Variants in KIAA1549L observed in about 807,000 individuals in gnomAD.
KIAA1549L encodes the protein UPF0606 protein KIAA1549L.
KIAA1549L carries 88 observed loss-of-function variants against 160.7 expected under a neutral mutation model. The observed-to-expected ratio is 0.55, with a 90% CI of 0.46 to 0.65. KIAA1549L has a LOEUF of 0.65. Among genes scored for constraint, KIAA1549L ranks in the 30% least tolerant of loss-of-function variants. KIAA1549L has a pLI of 0.00. For missense variants in KIAA1549L, 2,258 were observed against 2,437.5 expected (o/e 0.93, Z 1.55); for synonymous variants, 950 against 976.7 (o/e 0.97, Z 0.51).
chr11:33,412,698 G>A (rs1430570836), intron 1 of KIAA1549L, among the ~76,000 whole-genome samples: 1 of 152,242 alleles, frequency 6.6e-6, no homozygotes, highest in Non-Finnish European at 1.5e-5. Context: ...CCCACTGGGT[G>A]AGGATCAGTT....
chr11:33,545,097 T>G lies in KIAA1549L; in HGVS notation c.3104T>G (p.Leu1035Arg), dbSNP rs2133183633. Residue 1035 changes from leucine (L) to arginine (R), a missense_variant, in exon 3 of 21, where the codon CTG becomes CGG. By Grantham distance (102) the Leu-to-Arg change is moderately radical (BLOSUM62 -2). Around this residue, in one of 6 missense-constraint regions of KIAA1549L, gnomAD observed 1,359 missense variants for 1,546.6 expected, o/e 0.88. Coordinates refer to ENST00000658780, the MANE Select transcript of KIAA1549L (RefSeq NM_012194.3). ...GGAAACATGGACACTGCCTCTGGCCTGTTGTCTACAACTTACCTCCCCAGG... is the reference window on the plus strand; with the variant it reads ...GGAAACATGGACACTGCCTCTGGCCGGTTGTCTACAACTTACCTCCCCAGG... ...MQGNMDTASG[L>R]LSTTYLPRKP... 1.2e-6 allele frequency: 2 copies of G among 1,614,022 alleles called. No homozygotes were observed. Among genetic ancestry groups the G allele is most frequent in the Non-Finnish European group, 1.7e-6 (2 of 1,179,880 alleles).
intron 8 of KIAA1549L, among the ~76,000 whole-genome samples, chr11:33,562,394 T>G (rs1854893134): frequency 6.6e-6 from 1 of 152,182 alleles, no homozygotes; most frequent in African/African-American, 2.4e-5. Flanking sequence ...AGGAGAAGTA[T>G]ATGAGTCTAC....
chr11:33,621,673 A>G (rs1270542411), intron 16 of KIAA1549L, among the ~76,000 whole-genome samples: 1 of 152,208 alleles, frequency 6.6e-6, no homozygotes, highest in African/African-American at 2.4e-5. Flanking sequence ...GAAAAAAAAA[A>G]TGCTGTAAAT....
At chr11:33,491,925 G>A (rs1450651803) in intron 1 of KIAA1549L, among the ~76,000 whole-genome samples, 1 of 152,206 alleles carries the variant, frequency 6.6e-6, no homozygotes, top group African/African-American at 2.4e-5. Context: ...ATTTGTAGAG[G>A]GCGAGGTCTA....
intron 1 of KIAA1549L, among the ~76,000 whole-genome samples, chr11:33,426,908 T>C (rs1359713731): frequency 6.6e-6 from 1 of 152,132 alleles, no homozygotes; most frequent in African/African-American, 2.4e-5. Context: ...ATCAGTGTTT[T>C]CCTACCCCCT....
intron 1 of KIAA1549L, among the ~76,000 whole-genome samples, chr11:33,387,982 T>C (rs1850205565): frequency 6.6e-6 from 1 of 152,194 alleles, no homozygotes; most frequent in South Asian, 2.1e-4. Flanking sequence ...CAGATAAATA[T>C]AGGCCTATCT....
chr11:33,542,858 C>G lies in KIAA1549L; in HGVS notation c.1295C>G (p.Thr432Ser). 1 of 1,613,884 alleles carries G rather than the reference C, an allele frequency of 6.2e-7. No homozygotes were observed. Reference protein sequence around the residue: ...QTAESGAIEMTSRKLASATAN... With the variant: ...QTAESGAIEMSSRKLASATAN... ...GCAGAATCAGGGGCCATAGAAATGA[C>G]CAGCAGAAAGCTAGCCTCTGCCACT... The change falls in exon 2 of 21, where the codon ACC becomes AGC. Residue 432 changes from threonine (T) to serine (S), a missense_variant. Physicochemically the swap from Thr to Ser is moderately conservative, Grantham distance 58. Coordinates refer to ENST00000658780, the MANE Select transcript of KIAA1549L (RefSeq NM_012194.3).
chr11:33,460,844 T>C (rs1851927023), intron 1 of KIAA1549L, among the ~76,000 whole-genome samples: 1 of 152,222 alleles, frequency 6.6e-6, no homozygotes, highest in Admixed American at 6.5e-5. Context: ...TCCTGGTCTT[T>C]GCTGTGTGGG....
chr11:33,593,023 T>A (rs1850102409), intron 12 of KIAA1549L, among the ~76,000 whole-genome samples: 1 of 152,170 alleles, frequency 6.6e-6, no homozygotes, highest in South Asian at 2.1e-4. Flanking sequence ...GGAGGTTGAT[T>A]ATGTCAGGCT....
At chr11:33,429,746 G>T (rs1009979244) in intron 1 of KIAA1549L, among the ~76,000 whole-genome samples, 1 of 152,030 alleles carries the variant, frequency 6.6e-6, no homozygotes, top group African/African-American at 2.4e-5. Context: ...CAGGAATCTT[G>T]GTGTTGTCTT....
intron 1 of KIAA1549L, among the ~76,000 whole-genome samples, chr11:33,529,461 G>C (rs1467703260): frequency 6.6e-6 from 1 of 152,190 alleles, no homozygotes; most frequent in Non-Finnish European, 1.5e-5. Context: ...CATATACCAA[G>C]TTATGTTCCA....
chr11:33,444,618 T>C (rs1424940044), intron 1 of KIAA1549L, among the ~76,000 whole-genome samples: 3 of 152,240 alleles, frequency 2.0e-5, no homozygotes, highest in African/African-American at 7.2e-5. Flanking sequence ...AATTAATTCA[T>C]TAAAGATGAA....
chr11:33,644,297 A>G (rs889296652), intron 16 of KIAA1549L, among the ~76,000 whole-genome samples: 11 of 152,228 alleles, frequency 7.2e-5, no homozygotes, highest in African/African-American at 2.4e-4. Flanking sequence ...GCTAATGAGC[A>G]TGTATTAATT....
At chr11:33,496,495 A>G (rs965076825) in intron 1 of KIAA1549L, among the ~76,000 whole-genome samples, 1 of 152,166 alleles carries the variant, frequency 6.6e-6, no homozygotes, top group Non-Finnish European at 1.5e-5. Flanking sequence ...GCAGCTCTTG[A>G]ATTCTACCCC....
intron 1 of KIAA1549L, among the ~76,000 whole-genome samples, chr11:33,405,865 C>CAAAAAAAAAAA (rs1850639559): frequency 9.9e-6 from 1 of 101,426 alleles, no homozygotes; most frequent in Admixed American, 1.0e-4. Flanking sequence ...AAAAAAAAAG[C>CAAAAAAAAAAA]AAAAGCTCTA....
chr11:33,550,308 A>G (rs1406553578), intron 4 of KIAA1549L, among the ~76,000 whole-genome samples: 1 of 151,982 alleles, frequency 6.6e-6, no homozygotes, highest in Non-Finnish European at 1.5e-5. Flanking sequence ...AGATTCTGTA[A>G]TAAACATTAT....
chr11:33,404,017 A>G (rs1314674080), intron 1 of KIAA1549L, among the ~76,000 whole-genome samples: 8 of 152,194 alleles, frequency 5.3e-5, no homozygotes, highest in Non-Finnish European at 2.9e-5. Flanking sequence ...CACCAGGTTC[A>G]TGCACCCATA....
At chr11:33,551,019 G>T (rs1312818036) in intron 4 of KIAA1549L, 21 bp from the exon 5 acceptor site, 1 of 1,591,716 alleles carries the variant, frequency 6.3e-7, no homozygotes, top group African/African-American at 1.3e-5. Flanking sequence ...AATGGGTTTT[G>T]TGGGTCCATT....
Position 33,673,432 on chromosome 11 carries a change from A to AAAAG in KIAA1549L, c.*5280_*5283dup, listed in dbSNP as rs1042826840. 8.5e-5 allele frequency: 13 copies of AAAAG among 152,270 alleles called. No individual in the cohort carries two copies. Among genetic ancestry groups the AAAAG allele is most frequent in the African/African-American group, 2.9e-4 (12 of 41,548 alleles). 9.4% of individuals were successfully genotyped at this position (152,270 alleles called of 1,614,324 possible). A position where few individuals can be genotyped will look rare whatever the true frequency, so the allele number is the denominator to read the frequency against. On this transcript the variant is annotated 3_prime_UTR_variant, in exon 21 of 21. Transcript: ENST00000658780. ...GCCCCCATCTCACACACAAACTGAG[A>AAAAG]AAAGATTTGTATCAAACAGAATCAG... is the stretch of plus-strand genomic sequence containing the variant.
Sources: gnomAD v4.1 joint callset for allele counts (sites outside exome capture counted in the v4.1 genomes callset) on GRCh38, gnomAD v4.1.1 for gene constraint, gnomAD v4.1.1 regional missense constraint, MANE v1.5 for transcripts, NCBI Gene and HGNC (gene_info 2026-07-23, HGNC 2026-07-21) for gene names.